Variants in JPH4 observed in about 807,000 individuals in gnomAD.
JPH4 encodes the protein junctophilin 4.
Under a neutral mutation model 57.6 loss-of-function variants are expected in JPH4, and 18 were observed. That is an observed-to-expected ratio of 0.31 (90% CI 0.22 to 0.46). The LOEUF (loss-of-function observed/expected upper bound fraction) is 0.46. JPH4 is among the 20% of genes least tolerant of loss of function. The pLI, the probability that JPH4 is intolerant of heterozygous loss-of-function variation, is 1.00. For missense variants in JPH4, 727 were observed against 911.1 expected, an observed-to-expected ratio of 0.80 and a Z score of 2.60; for synonymous variants, 425 against 406.6, an observed-to-expected ratio of 1.05 and a Z score of -0.54.
chr14:23,576,332 G>A lies in JPH4; in HGVS notation c.504C>T (p.Ser168=), dbSNP rs1889272789. ...GGGGCGGGGGTGGCGTCGGGGGGTC[G>A]CTGTGGCCGGAATCCAGGGAGGTGC... ...PRRTSLDSGH[S]DPPTPPPPLP... is the part of the protein sequence containing the mutation. Residue 168 remains serine (S), a synonymous_variant, in exon 3 of 6, where the codon AGC becomes AGT. Coordinates refer to ENST00000356300, the MANE Select transcript of JPH4 (RefSeq NM_001146028.2). The surrounding 1 kb of genome is among the most constrained non-coding windows in gnomAD (Gnocchi z 8.0). 8 of 1,295,960 alleles carry A rather than the reference G, an allele frequency of 6.2e-6. No individual in the cohort carries two copies. The highest frequency in any genetic ancestry group is 2.4e-5 in the South Asian group (1 of 42,418). 80.3% of individuals were successfully genotyped at this position (1,295,960 alleles called of 1,614,324 possible). A position where few individuals can be genotyped will look rare whatever the true frequency, so the allele number is the denominator to read the frequency against.
At position 23,571,878 on chromosome 14, in the gene JPH4, G is replaced by A. The variant is rs750775076; in HGVS notation, c.1194C>T (p.Val398=). ...GAGCTGCCTCCACGGCCTTCTCAGC[G>A]ACACTGCTGGCTGCCACTGCCTTTA... The part of the protein sequence containing the change: ...ALLKAVAASS[V]AEKAVEAARM... The change falls in exon 4 of 6, where the codon GTC becomes GTT. Residue 398 remains valine (V), a synonymous_variant. Transcript: ENST00000356300. The surrounding 1 kb of genome is among the most constrained non-coding windows in gnomAD (Gnocchi z 4.6). 8.7e-6 allele frequency: 14 copies of A among 1,612,878 alleles called. No homozygotes were observed. Among genetic ancestry groups the A allele is most frequent in the Admixed American group, 5.0e-5 (3 of 60,014 alleles).
At position 23,575,369 on chromosome 14, in the gene JPH4, A is replaced by G. The variant is rs1889246490; in HGVS notation, c.1151+316T>C. 2.1e-6 allele frequency: 1 copy of G among 469,574 alleles called. No homozygotes were observed. The highest frequency in any genetic ancestry group is 3.8e-6 in the Non-Finnish European group (1 of 260,698). The allele number at this position is 469,574 out of a possible 1,614,324, so 29.1% of individuals were successfully genotyped here. ...CCAAGAGATTTCTGGGCCTGCACAA[A>G]ACAGCTTCCTTGCTACTCCCACACA... is the stretch of plus-strand genomic sequence containing the variant. On this transcript the variant is annotated intron_variant, in intron 3 of 5. Transcript: ENST00000356300. This position sits in a 1 kb window ranked among gnomAD's most constrained non-coding sequence, Gnocchi z 6.9.
chr14:23,568,560 G>T lies in JPH4; in HGVS notation c.*1074C>A. 1 of 985,810 alleles carries T rather than the reference G, an allele frequency of 1.0e-6. No individual in the cohort carries two copies. Among genetic ancestry groups the T allele is most frequent in the Non-Finnish European group, 1.2e-6 (1 of 829,964 alleles). 61.1% of individuals were successfully genotyped at this position (985,810 alleles called of 1,614,324 possible). ...CATTTCACAAGATTCTGATGTAAAG[G>T]GGGAAGGGATATAACCCATTTTGGG... On this transcript the variant is annotated 3_prime_UTR_variant, in exon 6 of 6. Transcript: ENST00000356300.
rs2139471651 is a variant in JPH4 at position 23,575,360 on chromosome 14, C to G, written c.1151+325G>C. Reference sequence around the variant, plus strand: ...TTTTGAGTTCCAAGAGATTTCTGGGCCTGCACAAAACAGCTTCCTTGCTAC... The same window carrying G: ...TTTTGAGTTCCAAGAGATTTCTGGGGCTGCACAAAACAGCTTCCTTGCTAC... On this transcript the variant is annotated intron_variant, in intron 3 of 5. Transcript: ENST00000356300. This position sits in a 1 kb window ranked among gnomAD's most constrained non-coding sequence, Gnocchi z 6.9. The G allele has an allele frequency of 2.3e-6, 1 of 437,578 alleles. No individual in the cohort carries two copies. The highest frequency in any genetic ancestry group is 3.9e-5 in the East Asian group (1 of 25,626). 27.1% of individuals were successfully genotyped at this position (437,578 alleles called of 1,614,324 possible).
chr14:23,577,860 T>G lies in JPH4; in HGVS notation c.-171-236A>C. ...CCCCAACCCCAAGCGGGAGTCCCAA[T>G]TCTCCAACCTAGAACCCCGAAGTGT... On this transcript the variant is annotated intron_variant, in intron 1 of 5. Coordinates refer to ENST00000356300, the MANE Select transcript of JPH4 (RefSeq NM_001146028.2). This position sits in a 1 kb window ranked among gnomAD's most constrained non-coding sequence, Gnocchi z 8.4. 6.3e-6 allele frequency: 1 copy of G among 158,980 alleles called. No individual in the cohort carries two copies. The highest frequency in any genetic ancestry group is 1.4e-5 in the Non-Finnish European group (1 of 72,890). 9.8% of individuals were successfully genotyped at this position (158,980 alleles called of 1,614,324 possible).
chr14:23,577,003 C>T lies in JPH4; in HGVS notation c.379+72G>A. 3 of 1,399,128 alleles carry T rather than the reference C, an allele frequency of 2.1e-6. No homozygotes were observed. The highest frequency in any genetic ancestry group is 3.2e-5 in the South Asian group (2 of 63,142). 86.7% of individuals were successfully genotyped at this position (1,399,128 alleles called of 1,614,324 possible). A position where few individuals can be genotyped will look rare whatever the true frequency, so the allele number is the denominator to read the frequency against. On this transcript the variant is annotated intron_variant, in intron 2 of 5. Transcript: ENST00000356300. This position sits in a 1 kb window ranked among gnomAD's most constrained non-coding sequence, Gnocchi z 8.4. ...AGGATGGGCGCAAGGGCGCAAATGGCGGGCGAAGGCCCAAGGCTGGGGAAG... is the reference window on the plus strand; with the variant it reads ...AGGATGGGCGCAAGGGCGCAAATGGTGGGCGAAGGCCCAAGGCTGGGGAAG...
In JPH4 at chr14:23,577,686, C is replaced by A. The variant is rs1294798517; in HGVS notation, c.-171-62G>T. ...AGGCCCCTCCTCTTTGCCCGCCGCTCCCTGGCCCGGTGGCTCTGGGGCATC... is the reference window on the plus strand; with the variant it reads ...AGGCCCCTCCTCTTTGCCCGCCGCTACCTGGCCCGGTGGCTCTGGGGCATC... On this transcript the variant is annotated intron_variant, in intron 1 of 5. Coordinates refer to ENST00000356300, the MANE Select transcript of JPH4 (RefSeq NM_001146028.2). The surrounding 1 kb of genome is among the most constrained non-coding windows in gnomAD (Gnocchi z 8.4). 3 of 402,970 alleles carry A rather than the reference C, an allele frequency of 7.4e-6. No individual in the cohort carries two copies. The highest frequency in any genetic ancestry group is 1.3e-5 in the Non-Finnish European group (3 of 228,568). The allele number at this position is 402,970 out of a possible 1,614,324, so 25.0% of individuals were successfully genotyped here.
Position 23,577,202 on chromosome 14 carries a change from G to C in JPH4, c.252C>G (p.Arg84=), listed in dbSNP as rs1392152176. Residue 84 remains arginine (R), a synonymous_variant, in exon 2 of 6, where the codon CGC becomes CGG. Transcript: ENST00000356300. This position sits in a 1 kb window ranked among gnomAD's most constrained non-coding sequence, Gnocchi z 8.4. ...GVERKSRWTY[R]GEWLGGLKGR... is the part of the protein sequence containing the mutation. ...CCTTCAGCCCGCCCAGCCACTCGCC[G>C]CGGTACGTCCAGCGGCTCTTGCGCT... The C allele has an allele frequency of 6.5e-7, 1 of 1,537,132 alleles. No homozygotes were observed.
rs1374082875 is a variant in JPH4 at position 23,569,405 on chromosome 14, T to C, written c.*229A>G. ...AATCTAGAGAAAGAAGGGGTTGGGA[T>C]GGGGAAGGGAGTGAGGAATACAGAG... On this transcript the variant is annotated 3_prime_UTR_variant, in exon 6 of 6. Coordinates refer to ENST00000356300, the MANE Select transcript of JPH4 (RefSeq NM_001146028.2). The surrounding 1 kb of genome is among the most constrained non-coding windows in gnomAD (Gnocchi z 4.8). 1.9e-6 allele frequency: 1 copy of C among 523,750 alleles called. No homozygotes were observed. The highest frequency in any genetic ancestry group is 1.9e-5 in the African/African-American group (1 of 51,352). The allele number at this position is 523,750 out of a possible 1,614,324, so 32.4% of individuals were successfully genotyped here. A position where few individuals can be genotyped will look rare whatever the true frequency, so the allele number is the denominator to read the frequency against.
chr14:23,577,232 G>A lies in JPH4; in HGVS notation c.222C>T (p.Gly74=). ...HWQQGKREGL[G]VERKSRWTYR... is the part of the protein sequence containing the mutation. ...ACGTCCAGCGGCTCTTGCGCTCCAC[G>A]CCCAGCCCTTCGCGCTTGCCCTGCT... is the stretch of plus-strand genomic sequence containing the variant. Residue 74 remains glycine, a synonymous_variant, in exon 2 of 6, where the codon GGC becomes GGT. Transcript: ENST00000356300. The surrounding 1 kb of genome is among the most constrained non-coding windows in gnomAD (Gnocchi z 8.4). The A allele has an allele frequency of 6.5e-7, 1 of 1,536,782 alleles. No homozygotes were observed.
chr14:23,571,941 G>T lies in JPH4; in HGVS notation c.1152-21C>A. 1 of 1,604,186 alleles carries T rather than the reference G, an allele frequency of 6.2e-7. No individual in the cohort carries two copies. The highest frequency in any genetic ancestry group is 1.1e-5 in the South Asian group (1 of 91,016). On this transcript the variant is annotated intron_variant, in intron 3 of 5. Transcript: ENST00000356300. This position sits in a 1 kb window ranked among gnomAD's most constrained non-coding sequence, Gnocchi z 4.6. ...CTGCCCTGTCGGGTCCAGAGACAGG[G>T]ATTTAGCAGAACTTCCCCCACTTCA...
At chr14:23,574,256 C>CCT (rs1889221503) in intron 3 of JPH4, among the ~76,000 whole-genome samples, 1 of 151,622 alleles carries the variant, frequency 6.6e-6, no homozygotes, top group South Asian at 2.1e-4. Context: ...CTCACTGCAA[C>CCT]CTCTGTCTCC....
In JPH4 at chr14:23,569,894, A is replaced by G. The variant is rs936966152; in HGVS notation, c.1804-177T>C. On this transcript the variant is annotated intron_variant, in intron 5 of 5. Coordinates refer to ENST00000356300, the MANE Select transcript of JPH4 (RefSeq NM_001146028.2). The surrounding 1 kb of genome is among the most constrained non-coding windows in gnomAD (Gnocchi z 4.8). ...CCCCTCTTCTCCCAGGCAGGGCCCC[A>G]CCTTTCCTCTGACACCTTCAATGCA... 4.6e-5 allele frequency among the ~76,000 whole-genome samples: 7 copies of G among 152,072 alleles called. No homozygotes were observed. The South Asian group carries it at 1.2e-3, about 27-fold the overall frequency.
Position 23,571,275 on chromosome 14 carries a change from G to T in JPH4, c.1456C>A (p.Gln486Lys), listed in dbSNP as rs903069234. Reference protein sequence around the residue: ...CRSPLPPGGDQGPFSSPKAWP... With the variant: ...CRSPLPPGGDKGPFSSPKAWP... ...GCTTTGGGGCTGGAGAAGGGACCCT[G>T]GTCCCCTCCAGGAGGCAGTGGGCTC... The change falls in exon 5 of 6, where the codon CAG becomes AAG. Residue 486 changes from glutamine to lysine, a missense_variant. Coordinates refer to ENST00000356300, the MANE Select transcript of JPH4 (RefSeq NM_001146028.2). The surrounding 1 kb of genome is among the most constrained non-coding windows in gnomAD (Gnocchi z 4.6). 2 of 1,603,904 alleles carry T rather than the reference G, an allele frequency of 1.2e-6. No individual in the cohort carries two copies. The highest frequency in any genetic ancestry group is 1.7e-6 in the Non-Finnish European group (2 of 1,174,964).
chr14:23,573,039 C>T (rs866691539), intron 3 of JPH4: 22 of 680,882 alleles, frequency 3.2e-5, no homozygotes, highest in Non-Finnish European at 4.5e-5. Flanking sequence ...AAAGGCAGGC[C>T]GACGAGCTGC....
chr14:23,568,507 CTTTG>C lies in JPH4; in HGVS notation c.*1123_*1126del, dbSNP rs1339264827. ...CTGGGAAGCATGTGAGATCAGCTAT[CTTTG>C]ATCCCCTCCTTCTGTTGTTTTCCCA... is the stretch of plus-strand genomic sequence containing the variant. On this transcript the variant is annotated 3_prime_UTR_variant, in exon 6 of 6. Coordinates refer to ENST00000356300, the MANE Select transcript of JPH4 (RefSeq NM_001146028.2). The C allele has an allele frequency of 5.1e-6, 5 of 985,654 alleles. No individual in the cohort carries two copies. In the East Asian group the frequency reaches 4.5e-4, roughly 89 times the overall value. The allele number at this position is 985,654 out of a possible 1,614,324, so 61.1% of individuals were successfully genotyped here.
rs1345737134 is a variant in JPH4, at chr14:23,575,666, C to T, written c.1151+19G>A. ...CCCCTCCTCTTAGCCCAGCTTTGGC[C>T]TCTGAACTGGACGCCCACCTGGCAG... On this transcript the variant is annotated intron_variant, in intron 3 of 5. Coordinates refer to ENST00000356300, the MANE Select transcript of JPH4 (RefSeq NM_001146028.2). This position sits in a 1 kb window ranked among gnomAD's most constrained non-coding sequence, Gnocchi z 6.9. 1 of 1,588,330 alleles carries T rather than the reference C, an allele frequency of 6.3e-7. No individual in the cohort carries two copies. The highest frequency in any genetic ancestry group is 8.6e-7 in the Non-Finnish European group (1 of 1,169,394).
intron 3 of JPH4, chr14:23,573,001 T>C (rs1206647401): frequency 7.1e-6 from 5 of 700,592 alleles, no homozygotes; most frequent in Non-Finnish European, 1.3e-5. Flanking sequence ...TCTGTAATTC[T>C]GAGGGTGGGG....
chr14:23,571,059 C>T lies in JPH4; in HGVS notation c.1672G>A (p.Ala558Thr). 1 of 1,610,142 alleles carries T rather than the reference C, an allele frequency of 6.2e-7. No individual in the cohort carries two copies. The highest frequency in any genetic ancestry group is 2.2e-5 in the East Asian group (1 of 44,884). ...EDEEPLPPLR[A>T]PAGTEPEPIA... ...GGCTCAGGCTCCGTGCCTGCTGGGG[C>T]CCTCAGCGGGGGCAGGGGCTCTTCA... The change falls in exon 5 of 6, where the codon GCC becomes ACC. Residue 558 changes from alanine to threonine, a missense_variant. Transcript: ENST00000356300. The surrounding 1 kb of genome is among the most constrained non-coding windows in gnomAD (Gnocchi z 4.6).
Sources: gnomAD v4.1 joint callset for allele counts (sites outside exome capture counted in the v4.1 genomes callset) on GRCh38, gnomAD v4.1.1 for gene constraint, Gnocchi (gnomAD v3.1) non-coding constraint, MANE v1.5 for transcripts, NCBI Gene and HGNC (gene_info 2026-07-23, HGNC 2026-07-21) for gene names.